The following SDK1 variants were observed in gnomAD, a reference collection of about 807,000 sequenced individuals.
SDK1 encodes the protein protein sidekick-1.
Under a neutral mutation model 245.5 loss-of-function variants are expected in SDK1, and 157 were observed. That is an observed-to-expected ratio of 0.64 (90% CI 0.56 to 0.73). SDK1 has a LOEUF of 0.73. Ranked by LOEUF, SDK1 falls within the 30% of genes least tolerant of loss-of-function variation. The probability of loss-of-function intolerance (pLI) is 0.00; values close to 1 mark genes in which losing one functional copy is unlikely to be tolerated. For synonymous variants in SDK1, 1,647 were observed against 1,278.5 expected (o/e 1.29, Z -6.15); for missense variants, 3,583 against 3,002.3 (o/e 1.19, Z -4.52).
rs111361807 is a variant in SDK1, at chr7:4,194,279, G to C, written c.5099-11600G>C. ...ATGCACGTATGTGTATACATGTATAGATATATGTATGCACGTATGTGTATA... is the reference window on the plus strand; with the variant it reads ...ATGCACGTATGTGTATACATGTATACATATATGTATGCACGTATGTGTATA... On this transcript the variant is annotated intron_variant, in intron 35 of 44. Transcript: ENST00000404826. Among the ~76,000 whole-genome samples, 244 of 132,874 alleles carry C rather than the reference G, an allele frequency of 1.8e-3. 6 individuals are homozygous for C. Among genetic ancestry groups the C allele is most frequent in the African/African-American group, 2.4e-3 (76 of 32,016 alleles). 87.2% of individuals were successfully genotyped at this position (132,874 alleles called of 152,430 possible).
intron 4 of SDK1, among the ~76,000 whole-genome samples, chr7:3,768,915 A>G (rs1302922207): frequency 2.0e-5 from 3 of 152,284 alleles, no homozygotes; most frequent in African/African-American, 4.8e-5. Flanking sequence ...ACAAAATGAA[A>G]CATTTTCTTA....
chr7:4,096,132 A>G (rs58998665), intron 22 of SDK1, among the ~76,000 whole-genome samples: 2 of 152,348 alleles, frequency 1.3e-5, no homozygotes, highest in Admixed American at 6.5e-5. Context: ...AAAAGTCCAC[A>G]GTGTTTATAA....
intron 1 of SDK1, among the ~76,000 whole-genome samples, chr7:3,373,457 C>T (rs927379291): frequency 6.6e-5 from 10 of 152,134 alleles, no homozygotes; most frequent in Admixed American, 1.3e-4. Flanking sequence ...CAAAACTTAA[C>T]ATCTATCCCT....
chr7:4,266,749 T>C lies in SDK1; in HGVS notation c.*1365T>C. 11 of 985,336 alleles carry C rather than the reference T, an allele frequency of 1.1e-5. No homozygotes were observed. The highest frequency in any genetic ancestry group is 1.3e-5 in the Non-Finnish European group (11 of 829,918). 61.0% of individuals were successfully genotyped at this position (985,336 alleles called of 1,614,324 possible). ...TCCACCCCTCAGCCCGGGTCCCGGGTCTGGATGGAACGGGAGCACTGCTGG... is the reference window on the plus strand; with the variant it reads ...TCCACCCCTCAGCCCGGGTCCCGGGCCTGGATGGAACGGGAGCACTGCTGG... On this transcript the variant is annotated 3_prime_UTR_variant, in exon 45 of 45. Coordinates refer to ENST00000404826, the MANE Select transcript of SDK1 (RefSeq NM_152744.4).
At chr7:4,064,050 A>G (rs1224992469) in intron 19 of SDK1, among the ~76,000 whole-genome samples, 1 of 152,240 alleles carries the variant, frequency 6.6e-6, no homozygotes, top group Non-Finnish European at 1.5e-5. Flanking sequence ...TCTCAAAAGC[A>G]CAGGCAACAA....
At chr7:3,849,408 G>C (rs1780364726) in intron 5 of SDK1, among the ~76,000 whole-genome samples, 1 of 152,190 alleles carries the variant, frequency 6.6e-6, no homozygotes, top group Non-Finnish European at 1.5e-5. Flanking sequence ...ACAGAGTTTA[G>C]AATGGAATTT....
At chr7:4,146,660 T>G (rs1171454353) in intron 29 of SDK1, among the ~76,000 whole-genome samples, 1 of 152,246 alleles carries the variant, frequency 6.6e-6, no homozygotes, top group African/African-American at 2.4e-5. Flanking sequence ...GTCTCTGATG[T>G]TAAACCCACG....
intron 13 of SDK1, among the ~76,000 whole-genome samples, chr7:3,984,867 A>T (rs1783703295): frequency 2.0e-5 from 3 of 152,244 alleles, no homozygotes; most frequent in Non-Finnish European, 4.4e-5. Context: ...AATTGTGAAC[A>T]TAAGCTCATT....
chr7:3,851,293 C>T (rs911927415), intron 5 of SDK1, among the ~76,000 whole-genome samples: 3 of 151,802 alleles, frequency 2.0e-5, no homozygotes, highest in Non-Finnish European at 2.9e-5. Context: ...AATTATTTGG[C>T]GTTATTAACA....
intron 1 of SDK1, among the ~76,000 whole-genome samples, chr7:3,440,695 G>C (rs1245459891): frequency 6.6e-6 from 1 of 152,174 alleles, no homozygotes; most frequent in African/African-American, 2.4e-5. Context: ...GAAGGAAAGA[G>C]AAAAATATGC....
chr7:3,641,629 CT>C (rs1782649498), intron 3 of SDK1, among the ~76,000 whole-genome samples: 1 of 152,240 alleles, frequency 6.6e-6, no homozygotes, highest in Non-Finnish European at 1.5e-5. Context: ...GAGAAAACTG[CT>C]TCACGTGGCT....
intron 30 of SDK1, among the ~76,000 whole-genome samples, chr7:4,155,186 C>G (rs1370141932): frequency 6.6e-6 from 1 of 151,932 alleles, no homozygotes; most frequent in Non-Finnish European, 1.5e-5. Flanking sequence ...TGCTTTCTGC[C>G]TGGTTTTGGG....
At chr7:4,253,375 TTTC>T (rs1355932480) in intron 44 of SDK1, among the ~76,000 whole-genome samples, 4 of 152,220 alleles carry the variant, frequency 2.6e-5, no homozygotes, top group African/African-American at 9.6e-5. Context: ...TTCTGTGTAA[TTTC>T]TTCTTTGACA....
At chr7:4,126,805 A>G (rs926556449) in intron 25 of SDK1, among the ~76,000 whole-genome samples, 1 of 152,108 alleles carries the variant, frequency 6.6e-6, no homozygotes, top group Non-Finnish European at 1.5e-5. Context: ...GATGAATGCG[A>G]TTTTCTCAGC....
Position 3,301,739 on chromosome 7 carries a change from C to G in SDK1, c.153C>G (p.Pro51=). Residue 51 remains proline (P), a synonymous_variant, in exon 1 of 45, where the codon CCC becomes CCG. Coordinates refer to ENST00000404826, the MANE Select transcript of SDK1 (RefSeq NM_152744.4). ...APRPGPEPSR[P]RAAPETSGGD... Reference sequence around the variant, plus strand: ...GCCCCGGCCCGGAGCCCTCGCGACCCCGGGCGGCGCCCGAGACCTCCGGCG... The same window carrying G: ...GCCCCGGCCCGGAGCCCTCGCGACCGCGGGCGGCGCCCGAGACCTCCGGCG... 1.2e-5 allele frequency: 12 copies of G among 979,850 alleles called. No homozygotes were observed. Among genetic ancestry groups the G allele is most frequent in the Non-Finnish European group, 1.2e-5 (10 of 828,002 alleles). The allele number at this position is 979,850 out of a possible 1,614,324, so 60.7% of individuals were successfully genotyped here.
intron 2 of SDK1, among the ~76,000 whole-genome samples, chr7:3,625,245 C>T (rs1328331894): frequency 1.3e-5 from 2 of 152,070 alleles, no homozygotes; most frequent in African/African-American, 2.4e-5. Flanking sequence ...AGTACAAAAG[C>T]ATTGAGAAAC....
At chr7:3,737,903 A>G (rs1779363691) in intron 4 of SDK1, among the ~76,000 whole-genome samples, 1 of 151,728 alleles carries the variant, frequency 6.6e-6, no homozygotes, top group Admixed American at 6.6e-5. Context: ...AAATCCCTCC[A>G]CTCTTCTTAC....
At position 4,149,359 on chromosome 7, in the gene SDK1, C is replaced by G. The variant is rs372350055; in HGVS notation, c.4521C>G (p.Ser1507=). The change falls in exon 30 of 45, where the codon TCC becomes TCG. Residue 1507 remains serine (S), a synonymous_variant. Transcript: ENST00000404826. ...GGGTCCCGGGCAGCGACGGGGCCTC[C>G]CCCATCCGGTACTTCACCATGCAGG... ...LQWVPGSDGA[S]PIRYFTMQVR... 24 of 1,592,710 alleles carry G rather than the reference C, an allele frequency of 1.5e-5. No homozygotes were observed. The highest frequency in any genetic ancestry group is 1.7e-4 in the Middle Eastern group (1 of 6,032).
chr7:3,802,923 C>T lies in SDK1; in HGVS notation c.714-18527C>T, dbSNP rs563943924. On this transcript the variant is annotated intron_variant, in intron 4 of 44. Coordinates refer to ENST00000404826, the MANE Select transcript of SDK1 (RefSeq NM_152744.4). ...GTTTTGGTTGTTACAAATAAAGCTGCTATGAACATTTCTATTCAGGTTTTT... is the reference window on the plus strand; with the variant it reads ...GTTTTGGTTGTTACAAATAAAGCTGTTATGAACATTTCTATTCAGGTTTTT... Among the ~76,000 whole-genome samples, 4 of 152,306 alleles carry T rather than the reference C, an allele frequency of 2.6e-5. 1 individual carries two copies. Among genetic ancestry groups the T allele is most frequent in the African/African-American group, 7.2e-5 (3 of 41,554 alleles).
Sources: gnomAD v4.1 joint callset for allele counts (sites outside exome capture counted in the v4.1 genomes callset) on GRCh38, gnomAD v4.1.1 for gene constraint, MANE v1.5 for transcripts, NCBI Gene and HGNC (gene_info 2026-07-23, HGNC 2026-07-21) for gene names.